The following PLCL2 variants were observed in gnomAD, a reference collection of about 807,000 sequenced individuals.
PLCL2 encodes phospholipase C like 2, also known as inactive phospholipase C-like protein 2.
PLCL2 carries 4 observed loss-of-function variants against 79.6 expected under a neutral mutation model. The observed-to-expected ratio is 0.05, with a 90% CI of 0.02 to 0.11. The LOEUF is 0.11. Among genes scored for constraint, PLCL2 ranks in the 10% least tolerant of loss-of-function variants. The probability of loss-of-function intolerance (pLI) is 1.00; values close to 1 mark genes in which losing one functional copy is unlikely to be tolerated. For missense variants in PLCL2, 895 were observed against 1,291.0 expected (o/e 0.69, Z 4.70); for synonymous variants, 484 against 457.7 (o/e 1.06, Z -0.73).
chr3:16,919,206 A>G (rs867936148), intron 1 of PLCL2, among the ~76,000 whole-genome samples: 4 of 152,222 alleles, frequency 2.6e-5, no homozygotes, highest in East Asian at 3.8e-4. Context: ...TCTGAGTTTA[A>G]TAGTGCCTTT....
intron 1 of PLCL2, among the ~76,000 whole-genome samples, chr3:16,896,413 T>C (rs574342544): frequency 6.6e-6 from 1 of 152,184 alleles, no homozygotes; most frequent in South Asian, 2.1e-4. Flanking sequence ...AGTTGACACA[T>C]TAGTGAAGAG....
intron 4 of PLCL2, among the ~76,000 whole-genome samples, chr3:17,067,027 C>T (rs1184470114): frequency 6.6e-6 from 1 of 152,000 alleles, no homozygotes; most frequent in Non-Finnish European, 1.5e-5. Context: ...AAACAAATTA[C>T]ATCCAAAAAA....
Position 17,012,171 on chromosome 3 carries a change from G to T in PLCL2, c.2814+11G>T. 6.3e-7 allele frequency: 1 copy of T among 1,596,380 alleles called. No individual in the cohort carries two copies. The highest frequency in any genetic ancestry group is 8.5e-7 in the Non-Finnish European group (1 of 1,170,128). ...AGAGAAAACATGCAGGTGCGTGCTT[G>T]TGTTTAATCATTTACTCAATGGTTT... On this transcript the variant is annotated intron_variant, in intron 2 of 5. Coordinates refer to ENST00000615277, the MANE Select transcript of PLCL2 (RefSeq NM_001144382.2).
intron 1 of PLCL2, among the ~76,000 whole-genome samples, chr3:16,978,399 A>G (rs1001719544): frequency 3.9e-5 from 6 of 152,394 alleles, no homozygotes; most frequent in African/African-American, 1.2e-4. Flanking sequence ...GGCTGGTAAC[A>G]GCAATCCAAA....
rs1325188242 is a variant in PLCL2 at position 17,090,474 on chromosome 3, A to G, written c.*562A>G. 6.5e-6 allele frequency: 1 copy of G among 154,828 alleles called. No homozygotes were observed. The highest frequency in any genetic ancestry group is 1.4e-5 in the Non-Finnish European group (1 of 70,010). 9.6% of individuals were successfully genotyped at this position (154,828 alleles called of 1,614,324 possible). A position where few individuals can be genotyped will look rare whatever the true frequency, so the allele number is the denominator to read the frequency against. On this transcript the variant is annotated 3_prime_UTR_variant, in exon 6 of 6. Transcript: ENST00000615277. ...TTGGACTGAAGCTCCCTGGCTGAAG[A>G]TACATGCCGAGTCAGCACATGGGTA...
rs1028794759 is a variant in PLCL2 at position 17,013,246 on chromosome 3, C to T, written c.2814+1086C>T. On this transcript the variant is annotated intron_variant, in intron 2 of 5. Coordinates refer to ENST00000615277, the MANE Select transcript of PLCL2 (RefSeq NM_001144382.2). Reference sequence around the variant, plus strand: ...ATTCCTTTGAGGATTTGTCAGAGCTCAAGCATTGTCTTTTCCAAAGCCTCA... The same window carrying T: ...ATTCCTTTGAGGATTTGTCAGAGCTTAAGCATTGTCTTTTCCAAAGCCTCA... Among the ~76,000 whole-genome samples the T allele has an allele frequency of 3.3e-5, 5 of 152,312 alleles. No homozygotes were observed. The East Asian group carries it at 9.6e-4, about 29-fold the overall frequency.
chr3:17,071,948 T>A (rs1279051192), intron 5 of PLCL2, among the ~76,000 whole-genome samples: 1 of 152,068 alleles, frequency 6.6e-6, no homozygotes, highest in Non-Finnish European at 1.5e-5. Context: ...TGCCTCAGCC[T>A]CCCAAATAGC....
chr3:17,073,613 T>C (rs777526749), intron 5 of PLCL2, among the ~76,000 whole-genome samples: 11 of 152,234 alleles, frequency 7.2e-5, no homozygotes, highest in Non-Finnish European at 1.2e-4. Flanking sequence ...AGTAGCATTT[T>C]ACCCACAGTA....
Position 17,011,332 on chromosome 3 carries a change from G to A in PLCL2, c.1986G>A (p.Gly662=), listed in dbSNP as rs2064320055. 1.2e-6 allele frequency: 2 copies of A among 1,614,118 alleles called. No homozygotes were observed. Among genetic ancestry groups the A allele is most frequent in the East Asian group, 2.2e-5 (1 of 44,874 alleles). ...GCAAGTACGCCAATGAAAATCCAGG[G>A]GACTTTGTAAATTACAACAAACGTT... The part of the protein sequence containing the change: ...LASKYANENP[G]DFVNYNKRFL... The change falls in exon 2 of 6, where the codon GGG becomes GGA. Residue 662 remains glycine, a synonymous_variant. Transcript: ENST00000615277. This position sits in a 1 kb window ranked among gnomAD's most constrained non-coding sequence, Gnocchi z 7.9.
chr3:17,070,807 A>G (rs2065054218), intron 5 of PLCL2, among the ~76,000 whole-genome samples: 1 of 152,100 alleles, frequency 6.6e-6, no homozygotes, highest in Non-Finnish European at 1.5e-5. Context: ...GCCAGCAGTA[A>G]ACACACAGCA....
intron 1 of PLCL2, among the ~76,000 whole-genome samples, chr3:16,970,403 A>G (rs1388863025): frequency 1.3e-5 from 2 of 150,454 alleles, no homozygotes; most frequent in Admixed American, 6.7e-5. Flanking sequence ...ATCATTTTTT[A>G]TGGCTGCATA....
chr3:17,031,893 G>A (rs932580254), intron 3 of PLCL2, among the ~76,000 whole-genome samples: 3 of 150,158 alleles, frequency 2.0e-5, no homozygotes, highest in South Asian at 4.2e-4. Context: ...TCCTTTGCAG[G>A]GTAGTTTAGG....
intron 1 of PLCL2, among the ~76,000 whole-genome samples, chr3:16,947,382 GGAGAAGC>G (rs1335835239): frequency 2.6e-5 from 4 of 152,184 alleles, no homozygotes; most frequent in Non-Finnish European, 4.4e-5. Flanking sequence ...GAACTCCTCA[GGAGAAGC>G]GATGGTGCAG....
intron 3 of PLCL2, chr3:17,035,725 C>T (rs1201051905): frequency 2.0e-6 from 1 of 509,368 alleles, no homozygotes; most frequent in Non-Finnish European, 3.9e-6. Context: ...ATATCTTATC[C>T]AATCTGGCCC....
intron 1 of PLCL2, among the ~76,000 whole-genome samples, chr3:17,001,322 CTCTT>C (rs2064208963): frequency 6.6e-6 from 1 of 152,034 alleles, no homozygotes; most frequent in African/African-American, 2.4e-5. Context: ...TGTAGACTCT[CTCTT>C]TTCACTCTGT....
chr3:17,031,159 A>G (rs11717649), intron 3 of PLCL2, among the ~76,000 whole-genome samples: 32,062 of 152,092 alleles, frequency 0.21, 3,787 homozygotes, highest in East Asian at 0.54. Flanking sequence ...GATTCAGAGC[A>G]GGTTTTGAAC....
At chr3:17,056,311 T>TTA (rs2064892195) in intron 4 of PLCL2, among the ~76,000 whole-genome samples, 1 of 148,444 alleles carries the variant, frequency 6.7e-6, no homozygotes, top group East Asian at 1.9e-4. Flanking sequence ...TACCAGAAGG[T>TTA]TATATATATA....
rs186007574 is a variant in PLCL2 at position 16,903,262 on chromosome 3, T to G, written c.327+17896T>G. Among the ~76,000 whole-genome samples the G allele has an allele frequency of 4.0e-3, 615 of 152,206 alleles. 2 individuals are homozygous for G. The highest frequency in any genetic ancestry group is 0.014 in the African/African-American group (589 of 41,472). On this transcript the variant is annotated intron_variant, in intron 1 of 5. Coordinates refer to ENST00000615277, the MANE Select transcript of PLCL2 (RefSeq NM_001144382.2). ...TTCCCATTGACTTTTCTTGTTATTTTGAAGTTTATTTGAAAAAAATTATTT... is the reference window on the plus strand; with the variant it reads ...TTCCCATTGACTTTTCTTGTTATTTGGAAGTTTATTTGAAAAAAATTATTT...
At chr3:16,904,813 A>G (rs1434136892) in intron 1 of PLCL2, among the ~76,000 whole-genome samples, 1 of 152,086 alleles carries the variant, frequency 6.6e-6, no homozygotes, top group Non-Finnish European at 1.5e-5. Flanking sequence ...TGATGGTTTT[A>G]TAAGGGGCTT....
Sources: allele counts gnomAD v4.1 joint callset (sites outside exome capture counted in the v4.1 genomes callset), GRCh38; gene constraint gnomAD v4.1.1; non-coding constraint Gnocchi (gnomAD v3.1); transcripts MANE v1.5; gene names NCBI Gene and HGNC (gene_info 2026-07-23, HGNC 2026-07-21).